The following SNTG2 variants were observed in gnomAD, a reference collection of about 807,000 sequenced individuals.
SNTG2 encodes the protein syntrophin gamma 2.
SNTG2 carries 74 observed loss-of-function variants against 70.9 expected under a neutral mutation model. The observed-to-expected ratio is 1.04, with a 90% CI of 0.86 to 1.27. The LOEUF (loss-of-function observed/expected upper bound fraction) is 1.27, where lower values mean the gene tolerates loss of function less well. Ranked by LOEUF, SNTG2 falls within the 50% of genes most tolerant of loss-of-function variation. The pLI is 0.00. For synonymous variants in SNTG2, 278 were observed against 273.8 expected (o/e 1.02, Z -0.15); for missense variants, 717 against 690.7 (o/e 1.04, Z -0.43).
At chr2:1,220,622 T>G (rs1674690409) in intron 9 of SNTG2, among the ~76,000 whole-genome samples, 1 of 152,226 alleles carries the variant, frequency 6.6e-6, no homozygotes, top group African/African-American at 2.4e-5. Context: ...TTAAATTTTC[T>G]GAAAACTTTC....
At chr2:1,325,825 C>A (rs867400195) in intron 16 of SNTG2, among the ~76,000 whole-genome samples, 1 of 151,952 alleles carries the variant, frequency 6.6e-6, no homozygotes, top group African/African-American at 2.4e-5. Flanking sequence ...ATAATATATA[C>A]CTAGGCATAT....
chr2:992,949 C>T (rs1234185812), intron 1 of SNTG2, among the ~76,000 whole-genome samples: 1 of 152,168 alleles, frequency 6.6e-6, no homozygotes, highest in Non-Finnish European at 1.5e-5. Flanking sequence ...ATTAAGCAAT[C>T]AGTCCTGATT....
chr2:1,317,981 G>T (rs538898983), intron 16 of SNTG2, among the ~76,000 whole-genome samples: 2 of 152,322 alleles, frequency 1.3e-5, no homozygotes, highest in South Asian at 4.1e-4. Context: ...AAATTTAAAG[G>T]AAGGGTTTTA....
intron 4 of SNTG2, among the ~76,000 whole-genome samples, chr2:1,100,808 A>G (rs1665738685): frequency 6.6e-6 from 1 of 152,322 alleles, no homozygotes; most frequent in Non-Finnish European, 1.5e-5. Context: ...AAAGAGAATA[A>G]GACAGTAAGG....
At chr2:1,257,122 GATACTGCC>G (rs1678164745) in intron 12 of SNTG2, among the ~76,000 whole-genome samples, 1 of 152,040 alleles carries the variant, frequency 6.6e-6, no homozygotes, top group Non-Finnish European at 1.5e-5. Flanking sequence ...AGCTAGTGTG[GATACTGCC>G]ACACCCATAA....
chr2:1,033,075 CA>C (rs990219990), intron 1 of SNTG2, among the ~76,000 whole-genome samples: 3 of 152,146 alleles, frequency 2.0e-5, no homozygotes, highest in African/African-American at 7.2e-5. Flanking sequence ...ATTGCAAGAA[CA>C]GCACCAAGAG....
intron 6 of SNTG2, chr2:1,158,615 G>C (rs1431042800): frequency 6.6e-6 from 1 of 152,272 alleles, no homozygotes; most frequent in Non-Finnish European, 1.5e-5. Flanking sequence ...CTTCTGGGGA[G>C]GTGCATTTCA....
chr2:1,232,151 C>G lies in SNTG2; in HGVS notation c.720-5737C>G, dbSNP rs28403541. 8.1e-3 allele frequency among the ~76,000 whole-genome samples: 1,230 copies of G among 152,228 alleles called. 22 individuals carry two copies. The highest frequency in any genetic ancestry group is 0.028 in the African/African-American group (1,171 of 41,522). ...AAGTGAGGGGCTCAGAAGACCCAAA[C>G]CCTGTTCTCATGAACCAATGGGAAG... On this transcript the variant is annotated intron_variant, in intron 9 of 16. Coordinates refer to ENST00000308624, the MANE Select transcript of SNTG2 (RefSeq NM_018968.4).
intron 1 of SNTG2, among the ~76,000 whole-genome samples, chr2:951,337 G>C (rs922531873): frequency 1.3e-5 from 2 of 152,218 alleles, no homozygotes; most frequent in Non-Finnish European, 2.9e-5. Context: ...TGGTTTTGAG[G>C]CGCCCGGGCT....
At chr2:1,200,380 A>G (rs989238621) in intron 8 of SNTG2, among the ~76,000 whole-genome samples, 1 of 152,092 alleles carries the variant, frequency 6.6e-6, no homozygotes, top group Non-Finnish European at 1.5e-5. Context: ...AAGTGGATTA[A>G]AAGCTTAAAC....
Position 1,018,335 on chromosome 2 carries a change from G to A in SNTG2, c.73-65183G>A, listed in dbSNP as rs370429348. 3.9e-5 allele frequency among the ~76,000 whole-genome samples: 6 copies of A among 152,288 alleles called. No individual in the cohort carries two copies. The East Asian group carries it at 1.2e-3, about 29-fold the overall frequency. ...GGCACGTCGCTGGTGGTCAGAGGGTGTCTTCATTTACTGGCCACAATCGGC... is the reference window on the plus strand; with the variant it reads ...GGCACGTCGCTGGTGGTCAGAGGGTATCTTCATTTACTGGCCACAATCGGC... On this transcript the variant is annotated intron_variant, in intron 1 of 16. Transcript: ENST00000308624.
At chr2:987,525 A>C (rs1489300178) in intron 1 of SNTG2, among the ~76,000 whole-genome samples, 1 of 152,020 alleles carries the variant, frequency 6.6e-6, no homozygotes, top group Non-Finnish European at 1.5e-5. Flanking sequence ...TTCGCGGTTA[A>C]GTGCCTGGAG....
chr2:985,644 C>G (rs1035453703), intron 1 of SNTG2, among the ~76,000 whole-genome samples: 1 of 152,106 alleles, frequency 6.6e-6, no homozygotes, highest in African/African-American at 2.4e-5. Context: ...CTCAGGCCTT[C>G]AGTCAGAAAT....
rs936680805 is a variant in SNTG2, at chr2:1,020,835, A to G, written c.73-62683A>G. Among the ~76,000 whole-genome samples, 21 of 152,284 alleles carry G rather than the reference A, an allele frequency of 1.4e-4. 1 individual carries two copies. The highest frequency in any genetic ancestry group is 4.8e-4 in the African/African-American group (20 of 41,550). ...TCTGTTTTTAACCATATGTATATATATATTTTTTGCCAATAGTAACTGTTA... is the reference window on the plus strand; with the variant it reads ...TCTGTTTTTAACCATATGTATATATGTATTTTTTGCCAATAGTAACTGTTA... On this transcript the variant is annotated intron_variant, in intron 1 of 16. Coordinates refer to ENST00000308624, the MANE Select transcript of SNTG2 (RefSeq NM_018968.4).
intron 14 of SNTG2, among the ~76,000 whole-genome samples, chr2:1,292,337 G>C (rs1572931778): frequency 6.6e-6 from 1 of 152,010 alleles, no homozygotes; most frequent in Admixed American, 6.6e-5. Context: ...TGGTTGACTT[G>C]TTTGTTTTTC....
intron 16 of SNTG2, among the ~76,000 whole-genome samples, chr2:1,320,633 G>A (rs1335848884): frequency 6.6e-6 from 1 of 151,792 alleles, no homozygotes; most frequent in Non-Finnish European, 1.5e-5. Flanking sequence ...CCAATGGCTG[G>A]AAATTTTAGG....
chr2:1,110,785 C>G (rs1197212305), intron 4 of SNTG2, among the ~76,000 whole-genome samples: 2 of 152,244 alleles, frequency 1.3e-5, no homozygotes, highest in African/African-American at 4.8e-5. Flanking sequence ...GATACAACTA[C>G]TCAGGCCAAT....
rs769000061 is a variant in SNTG2 at position 1,032,380 on chromosome 2, C to T, written c.73-51138C>T. 9.9e-5 allele frequency among the ~76,000 whole-genome samples: 15 copies of T among 152,126 alleles called. No individual in the cohort carries two copies. In the East Asian group the frequency reaches 1.2e-3, roughly 12 times the overall value. ...AAAAATGAAAACGAAACTACACACA[C>T]GCACGCACATATATCAGGAATCTGT... On this transcript the variant is annotated intron_variant, in intron 1 of 16. Transcript: ENST00000308624.
chr2:1,266,346 AT>A (rs777809193), intron 13 of SNTG2, among the ~76,000 whole-genome samples: 9 of 152,236 alleles, frequency 5.9e-5, no homozygotes, highest in Non-Finnish European at 1.2e-4. Context: ...AACCTTGCAG[AT>A]GGGGGAAAGA....
Sources: gnomAD v4.1 joint callset for allele counts (sites outside exome capture counted in the v4.1 genomes callset) on GRCh38, gnomAD v4.1.1 for gene constraint, MANE v1.5 for transcripts, NCBI Gene and HGNC (gene_info 2026-07-23, HGNC 2026-07-21) for gene names.